The following SOAT1 variants were observed in gnomAD, a reference collection of about 807,000 sequenced individuals.
SOAT1 encodes sterol O-acyltransferase 1.
In SOAT1, 55 loss-of-function variants were observed where a neutral mutation model predicts 69.5. The ratio of observed to expected loss-of-function variants is 0.79; its 90% CI spans 0.64 to 0.99. SOAT1 has a LOEUF of 0.99. Among genes scored for constraint, SOAT1 ranks in the 50% least tolerant of loss-of-function variants. The probability of loss-of-function intolerance (pLI) is 0.00; values close to 1 mark genes in which losing one functional copy is unlikely to be tolerated. For missense variants in SOAT1, 580 were observed against 669.3 expected, an observed-to-expected ratio of 0.87 and a Z score of 1.47; for synonymous variants, 231 against 224.7, an observed-to-expected ratio of 1.03 and a Z score of -0.25.
chr1:179,320,079 C>CT (rs1295073020), intron 2 of SOAT1, among the ~76,000 whole-genome samples: 4 of 151,892 alleles, frequency 2.6e-5, no homozygotes, highest in African/African-American at 9.7e-5. Context: ...TTGATAGAAT[C>CT]TATCAATATA....
chr1:179,354,795 A>G lies in SOAT1; in HGVS notation c.*1154A>G, dbSNP rs1666854091. On this transcript the variant is annotated 3_prime_UTR_variant, in exon 16 of 16. Coordinates refer to ENST00000367619, the MANE Select transcript of SOAT1 (RefSeq NM_003101.6). ...TTTATAAGATGCCCATTTCTAATAC[A>G]ATGTGTGTAGGAATTATTTGTATGT... 6.6e-6 allele frequency: 1 copy of G among 152,192 alleles called. No individual in the cohort carries two copies. The highest frequency in any genetic ancestry group is 2.4e-5 in the African/African-American group (1 of 41,450). 9.4% of individuals were successfully genotyped at this position (152,192 alleles called of 1,614,324 possible). A position where few individuals can be genotyped will look rare whatever the true frequency, so the allele number is the denominator to read the frequency against.
intron 2 of SOAT1, among the ~76,000 whole-genome samples, chr1:179,322,691 G>A (rs574139864): frequency 6.6e-6 from 1 of 152,338 alleles, no homozygotes; most frequent in South Asian, 2.1e-4. Context: ...CATAGATAGT[G>A]TGAATTTAGA....
At chr1:179,327,607 A>G (rs1571431609) in intron 3 of SOAT1, among the ~76,000 whole-genome samples, 1 of 152,236 alleles carries the variant, frequency 6.6e-6, no homozygotes, top group Non-Finnish European at 1.5e-5. Flanking sequence ...TAATCATGCA[A>G]TATTTGAGAC....
chr1:179,353,490 T>A (rs1666817769), intron 15 of SOAT1, 95 bp from the exon 16 acceptor site: 3 of 1,053,998 alleles, frequency 2.8e-6, no homozygotes, highest in South Asian at 1.3e-5. Context: ...ATTTTAGAGA[T>A]GTACAATGTA....
intron 7 of SOAT1, among the ~76,000 whole-genome samples, 166 bp downstream of exon 7, chr1:179,341,476 C>T (rs1338921504): frequency 6.6e-6 from 1 of 151,716 alleles, no homozygotes; most frequent in Non-Finnish European, 1.5e-5. Flanking sequence ...ATCATCTCAC[C>T]TCTTAAGTTT....
rs373748047 is a variant in SOAT1 at position 179,353,211 on chromosome 1, A to ATATATATATTTATTATT, written c.1597-365_1597-364insTTATTATTTATATATAT. On this transcript the variant is annotated intron_variant, in intron 15 of 15. Coordinates refer to ENST00000367619, the MANE Select transcript of SOAT1 (RefSeq NM_003101.6). Reference sequence around the variant, plus strand: ...ATCTAAATGGTGGTTATATATAAATATATATATATATATCTATTTGTCGTC... The same window carrying ATATATATATTTATTATT: ...ATCTAAATGGTGGTTATATATAAATATATATATATTTATTATTTATATATATATATCTATTTGTCGTC... Among the ~76,000 whole-genome samples the ATATATATATTTATTATT allele has an allele frequency of 1.1e-4, 7 of 64,486 alleles. No homozygotes were observed. The East Asian group carries it at 3.3e-3, about 30-fold the overall frequency. 42.3% of individuals were successfully genotyped at this position (64,486 alleles called of 152,430 possible). A position where few individuals can be genotyped will look rare whatever the true frequency, so the allele number is the denominator to read the frequency against.
chr1:179,306,309 CAAAAGTGGCTCTA>C (rs1482571637), intron 2 of SOAT1, among the ~76,000 whole-genome samples: 5 of 152,058 alleles, frequency 3.3e-5, no homozygotes, highest in Non-Finnish European at 7.3e-5. Context: ...CCCAGGAGGA[CAAAAGTGGCTCTA>C]AATTTGACAC....
intron 15 of SOAT1, among the ~76,000 whole-genome samples, chr1:179,351,720 A>ATTTT (rs1558061106): frequency 2.3e-5 from 1 of 43,484 alleles, no homozygotes; most frequent in African/African-American, 9.5e-5. Flanking sequence ...AGCCCCTTCT[A>ATTTT]ATTTTTTTTT....
intron 3 of SOAT1, among the ~76,000 whole-genome samples, chr1:179,333,760 G>A (rs1666050077): frequency 6.6e-6 from 1 of 151,916 alleles, no homozygotes; most frequent in South Asian, 2.1e-4. Flanking sequence ...TTGAACCTGG[G>A]AGGTGGAGGT....
chr1:179,319,111 GT>G (rs1251585898), intron 2 of SOAT1, among the ~76,000 whole-genome samples: 1 of 151,888 alleles, frequency 6.6e-6, no homozygotes, highest in African/African-American at 2.4e-5. Context: ...AACACTTGTT[GT>G]TTGTGTTTTT....
At chr1:179,317,406 G>A (rs986028812) in intron 2 of SOAT1, among the ~76,000 whole-genome samples, 27 of 152,016 alleles carry the variant, frequency 1.8e-4, no homozygotes, top group African/African-American at 6.0e-4. Flanking sequence ...GGTGGCGGGC[G>A]CCTGTAGTCC....
In SOAT1 at chr1:179,347,639, A is replaced by G. The variant is rs1222153452; in HGVS notation, c.1157A>G (p.His386Arg). The G allele has an allele frequency of 1.9e-6, 3 of 1,613,356 alleles. No individual in the cohort carries two copies. Among genetic ancestry groups the G allele is most frequent in the East Asian group, 4.5e-5 (2 of 44,824 alleles). ...ILFLTFFAFL[H>R]CWLNAFAEML... is the part of the protein sequence containing the mutation. ...TTCCTTACTTTTTTTGCCTTTTTGC[A>G]CTGCTGGCTCAATGCCTTTGCTGAG... Residue 386 changes from histidine (H) to arginine (R), a missense_variant, in exon 12 of 16, where the codon CAC becomes CGC. By Grantham distance (29) the His-to-Arg change is conservative. Transcript: ENST00000367619.
intron 5 of SOAT1, 46 bp downstream of exon 5, chr1:179,337,942 C>T (rs778922940): frequency 1.5e-6 from 2 of 1,348,434 alleles, no homozygotes; most frequent in East Asian, 2.4e-5. Context: ...TTTTAAAAAA[C>T]TATTCTGATA....
chr1:179,317,202 G>T (rs1665423353), intron 2 of SOAT1, among the ~76,000 whole-genome samples: 2 of 152,066 alleles, frequency 1.3e-5, no homozygotes, highest in South Asian at 4.2e-4. Context: ...TCCTTTTTAG[G>T]CAAAATATAC....
chr1:179,334,426 T>TG (rs1166278090), intron 3 of SOAT1, among the ~76,000 whole-genome samples: 1 of 152,032 alleles, frequency 6.6e-6, no homozygotes, highest in Non-Finnish European at 1.5e-5. Context: ...GCAAGATATG[T>TG]GGGGGGAGTG....
At chr1:179,324,587 A>G (rs1049147063) in intron 3 of SOAT1, among the ~76,000 whole-genome samples, 2 of 152,172 alleles carry the variant, frequency 1.3e-5, no homozygotes, top group Non-Finnish European at 2.9e-5. Context: ...AGGGTGTTAA[A>G]CTTTATTTTT....
At chr1:179,325,932 G>A (rs1265137609) in intron 3 of SOAT1, among the ~76,000 whole-genome samples, 1 of 152,176 alleles carries the variant, frequency 6.6e-6, no homozygotes, top group African/African-American at 2.4e-5. Flanking sequence ...AGTAATGAAT[G>A]AAATAAGGGA....
At chr1:179,348,778 G>A (rs1348296153) in intron 12 of SOAT1, 66 bp from the exon 13 acceptor site, 3 of 115,992 alleles carry the variant, frequency 2.6e-5, no homozygotes, top group Non-Finnish European at 4.6e-5. Flanking sequence ...GTGTGTGTGT[G>A]TGTGTGTGTG....
intron 8 of SOAT1, 36 bp downstream of exon 8, chr1:179,342,228 C>A (rs758163788): frequency 6.5e-6 from 9 of 1,376,764 alleles, no homozygotes; most frequent in Non-Finnish European, 9.1e-6. Context: ...TTCTTCCTCC[C>A]CTCCCCTCCT....
Sources: gnomAD v4.1 joint callset for allele counts (sites outside exome capture counted in the v4.1 genomes callset) on GRCh38, gnomAD v4.1.1 for gene constraint, MANE v1.5 for transcripts, NCBI Gene and HGNC (gene_info 2026-07-23, HGNC 2026-07-21) for gene names.